Variants in STX6 observed in about 807,000 individuals in gnomAD.
STX6 encodes the protein syntaxin 6.
A neutral mutation model predicts 38.0 loss-of-function variants in STX6; 23 were observed. The ratio of observed to expected loss-of-function variants is 0.60; its 90% CI spans 0.43 to 0.86. STX6 has a LOEUF of 0.86. Ranked by LOEUF, STX6 falls within the 40% of genes least tolerant of loss-of-function variation. The pLI is 0.00. For synonymous variants in STX6, 123 were observed against 107.5 expected (o/e 1.14, Z -0.89); for missense variants, 274 against 312.9 (o/e 0.88, Z 0.94).
chr1:181,018,388 C>CAAAAAAAAAA (rs34962747), intron 1 of STX6, among the ~76,000 whole-genome samples: 30 of 43,050 alleles, frequency 7.0e-4, no homozygotes, highest in East Asian at 9.5e-4. Flanking sequence ...GACTCTGTCC[C>CAAAAAAAAAA]AAAAAAAAAA....
At position 180,976,252 on chromosome 1, in the gene STX6, T is replaced by C; in HGVS notation, c.*318A>G. 1 of 321,636 alleles carries C rather than the reference T, an allele frequency of 3.1e-6. No homozygotes were observed. The highest frequency in any genetic ancestry group is 6.0e-6 in the Non-Finnish European group (1 of 165,740). The allele number at this position is 321,636 out of a possible 1,614,324, so 19.9% of individuals were successfully genotyped here. ...GAGCAACAGCAAAACACCAGTGGAG[T>C]CTGTAAGTCCCTCCTCAGCAAACGA... On this transcript the variant is annotated 3_prime_UTR_variant, in exon 8 of 8. Coordinates refer to ENST00000258301, the MANE Select transcript of STX6 (RefSeq NM_005819.6).
intron 1 of STX6, among the ~76,000 whole-genome samples, chr1:181,012,641 A>G (rs570180883): frequency 1.3e-5 from 2 of 152,010 alleles, no homozygotes; most frequent in Non-Finnish European, 2.9e-5. Context: ...AAAACAAAAT[A>G]AAGTCATCTG....
rs1323916868 is a variant in STX6, at chr1:180,975,402, CAATT to C, written c.*1164_*1167del. On this transcript the variant is annotated 3_prime_UTR_variant, in exon 8 of 8. Coordinates refer to ENST00000258301, the MANE Select transcript of STX6 (RefSeq NM_005819.6). ...CTCAGCAGTTTCAGCTACTTAAACT[CAATT>C]AAAGCATCTATCATTTAAATTTGGA... 3.3e-5 allele frequency: 5 copies of C among 152,708 alleles called. No individual in the cohort carries two copies. The highest frequency in any genetic ancestry group is 4.1e-4 in the South Asian group (2 of 4,828). 9.5% of individuals were successfully genotyped at this position (152,708 alleles called of 1,614,324 possible).
At chr1:180,996,226 C>T (rs533845113) in intron 3 of STX6, among the ~76,000 whole-genome samples, 1 of 152,138 alleles carries the variant, frequency 6.6e-6, no homozygotes, top group South Asian at 2.1e-4. Context: ...GAGATGTGTA[C>T]TGCAGTATTA....
Position 181,022,415 on chromosome 1 carries a change from C to G in STX6, c.35+224G>C, listed in dbSNP as rs548112078. Among the ~76,000 whole-genome samples the G allele has an allele frequency of 1.7e-4, 26 of 152,324 alleles. No homozygotes were observed. The South Asian group carries it at 3.1e-3, about 18-fold the overall frequency. On this transcript the variant is annotated intron_variant, in intron 1 of 7. Coordinates refer to ENST00000258301, the MANE Select transcript of STX6 (RefSeq NM_005819.6). ...AGCACACAGGCCAAAAAGGGCCCCC[C>G]ACCACCAGGGGCTTGGCTGGGGACA...
At chr1:181,010,136 C>A (rs1250581703) in intron 1 of STX6, among the ~76,000 whole-genome samples, 5 of 152,070 alleles carry the variant, frequency 3.3e-5, no homozygotes, top group Non-Finnish European at 1.5e-5. Flanking sequence ...CTATATCCTG[C>A]TTGTGGAAGT....
intron 1 of STX6, among the ~76,000 whole-genome samples, chr1:181,007,073 G>C (rs1022182074): frequency 1.3e-5 from 2 of 152,160 alleles, no homozygotes; most frequent in Non-Finnish European, 2.9e-5. Flanking sequence ...TGATTTAGTG[G>C]AGAAAGAGCT....
intron 1 of STX6, among the ~76,000 whole-genome samples, chr1:181,013,329 T>A (rs983118209): frequency 2.0e-5 from 3 of 152,210 alleles, no homozygotes; most frequent in African/African-American, 7.2e-5. Context: ...TCCTTTTTCC[T>A]GTTGTGGTTG....
intron 1 of STX6, among the ~76,000 whole-genome samples, chr1:181,011,998 T>C (rs1249022425): frequency 6.6e-6 from 1 of 152,238 alleles, no homozygotes; most frequent in Admixed American, 6.5e-5. Context: ...ATGTCTGATT[T>C]AGCTATTTTT....
At chr1:180,988,682 T>A (rs1655661544) in intron 5 of STX6, 1 of 208,128 alleles carries the variant, frequency 4.8e-6, no homozygotes. Context: ...ATGGGGATGT[T>A]TGGGAGGAGG....
intron 4 of STX6, among the ~76,000 whole-genome samples, chr1:180,992,998 A>G (rs1655796966): frequency 6.6e-6 from 1 of 152,216 alleles, no homozygotes; most frequent in East Asian, 1.9e-4. Context: ...GGAGCCCAGC[A>G]GAGAGAAAGA....
chr1:181,001,317 A>G (rs868337402), intron 3 of STX6, among the ~76,000 whole-genome samples: 3 of 152,228 alleles, frequency 2.0e-5, no homozygotes, highest in Non-Finnish European at 2.9e-5. Context: ...TTTCTAGTAC[A>G]TATGTTAAAG....
intron 7 of STX6, among the ~76,000 whole-genome samples, chr1:180,984,090 A>AAAAAC (rs1655498651): frequency 7.1e-6 from 1 of 139,954 alleles, no homozygotes; most frequent in African/African-American, 2.8e-5. Context: ...AAAAAAAAAA[A>AAAAAC]CACAACGAAA....
chr1:181,012,122 A>C (rs1367528549), intron 1 of STX6, among the ~76,000 whole-genome samples: 1 of 152,234 alleles, frequency 6.6e-6, no homozygotes, highest in African/African-American at 2.4e-5. Context: ...GAATTGTCAG[A>C]GTTCTTCAGC....
chr1:180,987,346 C>T (rs573019072), intron 6 of STX6, among the ~76,000 whole-genome samples: 2 of 152,332 alleles, frequency 1.3e-5, no homozygotes, highest in African/African-American at 4.8e-5. Context: ...ATGCACTGGC[C>T]CCATCACAGG....
At chr1:181,004,978 T>TC (rs1656184880) in intron 2 of STX6, among the ~76,000 whole-genome samples, 1 of 150,536 alleles carries the variant, frequency 6.6e-6, no homozygotes, top group Non-Finnish European at 1.5e-5. Flanking sequence ...TTTTTTTTTT[T>TC]CCCTTTACAT....
At chr1:180,989,158 C>T (rs956629743) in intron 5 of STX6, 15 of 152,086 alleles carry the variant, frequency 9.9e-5, no homozygotes, top group Non-Finnish European at 2.9e-5. Context: ...TCCTTCTACC[C>T]CTTAACCTAC....
At chr1:181,000,455 C>G (rs945351879) in intron 3 of STX6, among the ~76,000 whole-genome samples, 3 of 152,068 alleles carry the variant, frequency 2.0e-5, no homozygotes, top group Non-Finnish European at 4.4e-5. Context: ...GGGAAGAGCC[C>G]CTTATAAAAC....
At position 181,007,730 on chromosome 1, in the gene STX6, T is replaced by C. The variant is rs1396329418; in HGVS notation, c.36-2267A>G. On this transcript the variant is annotated intron_variant, in intron 1 of 7. Transcript: ENST00000258301. ...ACTCCTTTGAACTCTTCAAAATTAC[T>C]GAAGACCCCGAAGAGCTCAGAGTTA... is the stretch of plus-strand genomic sequence containing the variant. 2.0e-5 allele frequency among the ~76,000 whole-genome samples: 3 copies of C among 152,178 alleles called. No individual in the cohort carries two copies. The East Asian group carries it at 5.8e-4, about 29-fold the overall frequency.
Sources: allele counts gnomAD v4.1 joint callset (sites outside exome capture counted in the v4.1 genomes callset), GRCh38; gene constraint gnomAD v4.1.1; transcripts MANE v1.5; gene names NCBI Gene and HGNC (gene_info 2026-07-23, HGNC 2026-07-21).